Variants in AUTS2 observed in about 807,000 individuals in gnomAD.
AUTS2 encodes the protein autism susceptibility gene 2 protein.
In AUTS2, 17 loss-of-function variants were observed where a neutral mutation model predicts 112.4. The observed-to-expected ratio is 0.15, with a 90% CI of 0.10 to 0.23. The LOEUF (loss-of-function observed/expected upper bound fraction) is 0.23, where lower values mean the gene tolerates loss of function less well. Among genes scored for constraint, AUTS2 ranks in the 10% least tolerant of loss-of-function variants. The probability of loss-of-function intolerance (pLI) is 1.00; values close to 1 mark genes in which losing one functional copy is unlikely to be tolerated. For synonymous variants in AUTS2, 751 were observed against 702.7 expected (o/e 1.07, Z -1.09); for missense variants, 1,510 against 1,701.6 (o/e 0.89, Z 1.98).
At chr7:70,659,073 T>C (rs1390293738) in intron 5 of AUTS2, among the ~76,000 whole-genome samples, 1 of 152,126 alleles carries the variant, frequency 6.6e-6, no homozygotes, top group East Asian at 1.9e-4. Flanking sequence ...CCACGGGGGT[T>C]GTTGGAGTGG....
chr7:70,789,508 A>G (rs1791733665), intron 18 of AUTS2, among the ~76,000 whole-genome samples: 1 of 152,098 alleles, frequency 6.6e-6, no homozygotes, highest in Non-Finnish European at 1.5e-5. Flanking sequence ...TGCTCCCAGC[A>G]GACTCCCCCT....
intron 4 of AUTS2, among the ~76,000 whole-genome samples, chr7:70,330,380 A>T (rs1790687695): frequency 6.6e-6 from 1 of 152,154 alleles, no homozygotes; most frequent in Non-Finnish European, 1.5e-5. Flanking sequence ...TGTTGAAAAG[A>T]TTATTCTTTT....
At chr7:70,412,645 T>G (rs949731106) in intron 4 of AUTS2, among the ~76,000 whole-genome samples, 1 of 152,216 alleles carries the variant, frequency 6.6e-6, no homozygotes, top group African/African-American at 2.4e-5. Flanking sequence ...CTTTGCATCT[T>G]GACTACTGGA....
intron 4 of AUTS2, among the ~76,000 whole-genome samples, chr7:70,419,157 TC>T (rs1048247029): frequency 6.6e-6 from 1 of 152,196 alleles, no homozygotes; most frequent in Non-Finnish European, 1.5e-5. Context: ...TTTTTAAACT[TC>T]CCTATGACTG....
chr7:70,630,821 T>C (rs917280864), intron 5 of AUTS2, among the ~76,000 whole-genome samples: 1 of 152,208 alleles, frequency 6.6e-6, no homozygotes, highest in Non-Finnish European at 1.5e-5. Flanking sequence ...AAGCAACCTT[T>C]ATTTTATGGC....
chr7:70,470,023 A>G (rs1194728683), intron 5 of AUTS2, among the ~76,000 whole-genome samples: 1 of 152,262 alleles, frequency 6.6e-6, no homozygotes, highest in Non-Finnish European at 1.5e-5. Flanking sequence ...CATGACACAC[A>G]TGGCTTAGCA....
chr7:70,028,246 T>A (rs576868397), intron 2 of AUTS2, among the ~76,000 whole-genome samples: 1 of 152,298 alleles, frequency 6.6e-6, no homozygotes, highest in East Asian at 1.9e-4. Context: ...GTTCACGCAT[T>A]ACTCATTCTA....
intron 1 of AUTS2, among the ~76,000 whole-genome samples, chr7:69,718,098 C>T (rs1003014807): frequency 6.6e-6 from 1 of 152,066 alleles, no homozygotes. Flanking sequence ...GGATAGAAAC[C>T]CTGTCTTCCA....
At chr7:69,767,221 C>T (rs1162401158) in intron 1 of AUTS2, among the ~76,000 whole-genome samples, 1 of 151,866 alleles carries the variant, frequency 6.6e-6, no homozygotes, top group Non-Finnish European at 1.5e-5. Flanking sequence ...GCTCTGTCAC[C>T]CAGGCTGGAG....
chr7:70,061,988 A>G (rs1421154302), intron 2 of AUTS2, among the ~76,000 whole-genome samples: 3 of 151,584 alleles, frequency 2.0e-5, no homozygotes, highest in Non-Finnish European at 4.4e-5. Context: ...GGATTTTGCC[A>G]TGTTAGCCAG....
chr7:70,530,194 G>T (rs539133046), intron 5 of AUTS2, among the ~76,000 whole-genome samples: 3 of 152,186 alleles, frequency 2.0e-5, no homozygotes, highest in Non-Finnish European at 4.4e-5. Flanking sequence ...TTTGCGTTGT[G>T]CTGTGTGCAA....
intron 2 of AUTS2, among the ~76,000 whole-genome samples, chr7:69,936,434 C>A (rs1796413864): frequency 1.3e-5 from 2 of 152,128 alleles, no homozygotes; most frequent in South Asian, 4.1e-4. Context: ...ATTGCAAGCT[C>A]CACCTCCTGG....
intron 1 of AUTS2, among the ~76,000 whole-genome samples, chr7:69,620,921 T>C (rs1451256561): frequency 1.3e-5 from 2 of 152,196 alleles, no homozygotes; most frequent in African/African-American, 4.8e-5. Flanking sequence ...GGGCAGGGAC[T>C]TGAGGGTTCA....
chr7:69,621,302 A>C (rs1793648586), intron 1 of AUTS2, among the ~76,000 whole-genome samples: 1 of 152,136 alleles, frequency 6.6e-6, no homozygotes, highest in Non-Finnish European at 1.5e-5. Flanking sequence ...AAGGGAACTA[A>C]ATAAATGCTT....
chr7:70,653,262 A>C (rs368282124), intron 5 of AUTS2, among the ~76,000 whole-genome samples: 1 of 152,104 alleles, frequency 6.6e-6, no homozygotes, highest in Non-Finnish European at 1.5e-5. Context: ...TAATAACCCT[A>C]TCTCTCATAC....
chr7:70,244,092 C>T (rs1168769160), intron 4 of AUTS2, among the ~76,000 whole-genome samples: 1 of 151,870 alleles, frequency 6.6e-6, no homozygotes, highest in African/African-American at 2.4e-5. Flanking sequence ...TTTAATAACC[C>T]TATGTGCCCA....
chr7:69,917,996 C>G (rs1262342158), intron 2 of AUTS2, among the ~76,000 whole-genome samples: 1 of 152,080 alleles, frequency 6.6e-6, no homozygotes, highest in Non-Finnish European at 1.5e-5. Flanking sequence ...GTGCCCGCCA[C>G]CACACCTGGC....
At chr7:70,538,565 C>A (rs1800419484) in intron 5 of AUTS2, among the ~76,000 whole-genome samples, 1 of 152,162 alleles carries the variant, frequency 6.6e-6, no homozygotes, top group South Asian at 2.1e-4. Context: ...AATGAAACAT[C>A]TGCTCCTTAA....
At chr7:70,103,391 T>C (rs180744284) in intron 2 of AUTS2, among the ~76,000 whole-genome samples, 1 of 152,198 alleles carries the variant, frequency 6.6e-6, no homozygotes, top group Admixed American at 6.5e-5. Flanking sequence ...TGTAGCTCAG[T>C]ACAGCAAATA....
Sources: gnomAD v4.1 joint callset for allele counts (sites outside exome capture counted in the v4.1 genomes callset) on GRCh38, gnomAD v4.1.1 for gene constraint, MANE v1.5 for transcripts, NCBI Gene and HGNC (gene_info 2026-07-23, HGNC 2026-07-21) for gene names.